The following SMARCAL1 variants were observed in gnomAD, a reference collection of about 807,000 sequenced individuals.
The protein encoded by SMARCAL1 is ATP-driven annealing helicase.
A neutral mutation model predicts 94.5 loss-of-function variants in SMARCAL1; 58 were observed. The observed-to-expected ratio is 0.61, with a 90% CI of 0.50 to 0.76. SMARCAL1 has a LOEUF of 0.76. SMARCAL1 is among the 30% of genes least tolerant of loss of function. The pLI is 0.00. For synonymous variants in SMARCAL1, 422 were observed against 455.1 expected, an observed-to-expected ratio of 0.93 and a Z score of 0.93; for missense variants, 1,051 against 1,177.9, an observed-to-expected ratio of 0.89 and a Z score of 1.58.
At chr2:216,442,766 C>T (rs1694223553) in intron 10 of SMARCAL1, among the ~76,000 whole-genome samples, 1 of 152,208 alleles carries the variant, frequency 6.6e-6, no homozygotes, top group Admixed American at 6.5e-5. Context: ...TATCTGTTCT[C>T]TTTTGATGGA....
intron 7 of SMARCAL1, among the ~76,000 whole-genome samples, chr2:216,431,009 G>A (rs552646305): frequency 1.9e-4 from 29 of 152,342 alleles, no homozygotes; most frequent in South Asian, 8.3e-4. Context: ...GCTCGGCTCC[G>A]TTCCTCCCCA....
intron 13 of SMARCAL1, among the ~76,000 whole-genome samples, chr2:216,467,449 C>T (rs1435457059): frequency 6.2e-5 from 8 of 129,306 alleles, no homozygotes; most frequent in Admixed American, 2.8e-4. Context: ...CCAGCCTGGG[C>T]GACAGAGCGA....
intron 13 of SMARCAL1, among the ~76,000 whole-genome samples, chr2:216,465,257 A>G (rs1351746728): frequency 6.6e-6 from 1 of 152,234 alleles, no homozygotes; most frequent in African/African-American, 2.4e-5. Flanking sequence ...CTGGGTCTCT[A>G]AGAGATCCTG....
intron 17 of SMARCAL1, among the ~76,000 whole-genome samples, chr2:216,480,099 C>T (rs1023634500): frequency 6.6e-6 from 1 of 152,176 alleles, no homozygotes; most frequent in South Asian, 2.1e-4. Context: ...CTCACTTGAA[C>T]TCATTTATTC....
intron 11 of SMARCAL1, among the ~76,000 whole-genome samples, chr2:216,447,583 G>A (rs576212524): frequency 6.6e-6 from 1 of 152,090 alleles, no homozygotes; most frequent in East Asian, 1.9e-4. Flanking sequence ...GAGGCCCCAG[G>A]CAGAGGGAAG....
chr2:216,431,155 G>A (rs931295656), intron 7 of SMARCAL1, among the ~76,000 whole-genome samples: 8 of 152,322 alleles, frequency 5.3e-5, no homozygotes, highest in South Asian at 2.1e-4. Flanking sequence ...TACTGGCTTC[G>A]GGCTGCCTGG....
intron 11 of SMARCAL1, among the ~76,000 whole-genome samples, chr2:216,450,324 A>G (rs1413199448): frequency 6.6e-6 from 1 of 152,140 alleles, no homozygotes; most frequent in Non-Finnish European, 1.5e-5. Context: ...CTACAACAAC[A>G]CTGCAGTTAC....
chr2:216,457,171 G>T (rs535169322), intron 12 of SMARCAL1, among the ~76,000 whole-genome samples: 1 of 152,278 alleles, frequency 6.6e-6, no homozygotes, highest in Admixed American at 6.5e-5. Flanking sequence ...CAATACAGGA[G>T]CACCCAGAGT....
chr2:216,430,620 C>T (rs1693941044), intron 7 of SMARCAL1, among the ~76,000 whole-genome samples: 2 of 152,020 alleles, frequency 1.3e-5, no homozygotes, highest in African/African-American at 4.8e-5. Flanking sequence ...ATTTTTTGGC[C>T]ACTTTGTTCC....
chr2:216,415,178 C>T lies in SMARCAL1; in HGVS notation c.474C>T (p.Pro158=), dbSNP rs1245140546. Residue 158 remains proline (P), a synonymous_variant, in exon 3 of 18, where the codon CCC becomes CCT. Coordinates refer to ENST00000357276, the MANE Select transcript of SMARCAL1 (RefSeq NM_014140.4). The stretch of plus-strand genomic sequence containing the variant: ...CTTCACCTGAGATCAGGTTCACACC[C>T]TTTGCTAACCCAACTCATAAGCCTC... ...AQASPEIRFT[P]FANPTHKPLA... is the part of the protein sequence containing the mutation. The T allele has an allele frequency of 1.2e-6, 2 of 1,613,596 alleles. No individual in the cohort carries two copies. The highest frequency in any genetic ancestry group is 1.3e-5 in the African/African-American group (1 of 74,962).
Position 216,415,096 on chromosome 2 carries a change from C to A in SMARCAL1, c.392C>A (p.Pro131Gln). 1 of 1,614,056 alleles carries A rather than the reference C, an allele frequency of 6.2e-7. No homozygotes were observed. Among genetic ancestry groups the A allele is most frequent in the Non-Finnish European group, 8.5e-7 (1 of 1,179,976 alleles). The change falls in exon 3 of 18, where the codon CCA (proline) becomes CAA (glutamine). Residue 131 changes from proline (P) to glutamine (Q), a missense_variant. Physicochemically the swap from Pro to Gln is moderately conservative, Grantham distance 76. Transcript: ENST00000357276. ...TCTCCTCCCTTGGCACAAAGTCCTC[C>A]AGAGGTCCCTAAACAACAGCTCTTG... The part of the protein sequence containing the change: ...GISPPLAQSP[P>Q]EVPKQQLLSY...
At chr2:216,454,763 C>T (rs1694525674) in intron 12 of SMARCAL1, among the ~76,000 whole-genome samples, 1 of 152,202 alleles carries the variant, frequency 6.6e-6, no homozygotes, top group Admixed American at 6.5e-5. Flanking sequence ...GTCTACAGCT[C>T]CCAGCGTGAG....
intron 10 of SMARCAL1, among the ~76,000 whole-genome samples, chr2:216,442,831 A>G (rs919985528): frequency 1.3e-5 from 2 of 152,062 alleles, no homozygotes; most frequent in Non-Finnish European, 2.9e-5. Flanking sequence ...ATTTTTTCAT[A>G]TGTTAGAGAA....
chr2:216,472,017 C>T (rs981061677), intron 14 of SMARCAL1, among the ~76,000 whole-genome samples: 3 of 152,088 alleles, frequency 2.0e-5, no homozygotes, highest in African/African-American at 7.2e-5. Context: ...GGAAGATGTC[C>T]ATACTATGGA....
At chr2:216,428,513 A>G in intron 6 of SMARCAL1, 83 bp from the exon 7 acceptor site, 1 of 1,361,004 alleles carries the variant, frequency 7.3e-7, no homozygotes, top group South Asian at 1.2e-5. Context: ...CTGGAAGGAA[A>G]TATATATATC....
chr2:216,423,632 G>A lies in SMARCAL1; in HGVS notation c.1097-1G>A. The A allele has an allele frequency of 1.2e-6, 2 of 1,612,852 alleles. No individual in the cohort carries two copies. The highest frequency in any genetic ancestry group is 1.7e-6 in the Non-Finnish European group (2 of 1,178,846). Reference sequence around the variant, plus strand: ...TGCTTATTTATTTCTTGTCATTGCAGATGTCAAGACCAGGAAGTGGAGCTT... The same window carrying A: ...TGCTTATTTATTTCTTGTCATTGCAAATGTCAAGACCAGGAAGTGGAGCTT... On this transcript the variant is annotated splice_acceptor_variant, in intron 5 of 17. Coordinates refer to ENST00000357276, the MANE Select transcript of SMARCAL1 (RefSeq NM_014140.4). LOFTEE classifies it high-confidence loss of function.
At chr2:216,430,634 G>A (rs1693941407) in intron 7 of SMARCAL1, among the ~76,000 whole-genome samples, 1 of 152,054 alleles carries the variant, frequency 6.6e-6, no homozygotes, top group South Asian at 2.1e-4. Context: ...TTGTTCCTTA[G>A]TTGGGCTCCC....
chr2:216,479,414 C>T (rs866707327), intron 17 of SMARCAL1, among the ~76,000 whole-genome samples: 1 of 145,468 alleles, frequency 6.9e-6, no homozygotes, highest in South Asian at 2.1e-4. Context: ...AACTGGGCAA[C>T]AGAGCAAGAG....
At chr2:216,432,619 G>A (rs915225247) in intron 7 of SMARCAL1, 99 bp from the exon 8 acceptor site, 18 of 1,474,472 alleles carry the variant, frequency 1.2e-5, no homozygotes, top group Non-Finnish European at 1.6e-5. Context: ...GGGCTGGCCA[G>A]TGAAGTGGCC....
Sources: gnomAD v4.1 joint callset for allele counts (sites outside exome capture counted in the v4.1 genomes callset) on GRCh38, gnomAD v4.1.1 for gene constraint, MANE v1.5 for transcripts, NCBI Gene and HGNC (gene_info 2026-07-23, HGNC 2026-07-21) for gene names.